SLIT3: variants seen among roughly 807,000 people sequenced by gnomAD.
The protein encoded by SLIT3 is slit homolog 3 protein.
A neutral mutation model predicts 184.0 loss-of-function variants in SLIT3; 68 were observed. The observed-to-expected ratio is 0.37, with a 90% confidence interval of 0.30 to 0.45. The LOEUF is 0.45. SLIT3 is among the 20% of genes least tolerant of loss of function. The probability of loss-of-function intolerance (pLI) is 1.00; values close to 1 mark genes in which losing one functional copy is unlikely to be tolerated. For synonymous variants in SLIT3, 831 were observed against 828.6 expected (o/e 1.00, Z -0.05); for missense variants, 1,707 against 2,026.0 (o/e 0.84, Z 3.02).
At chr5:169,151,227 G>C (rs1762108373) in intron 4 of SLIT3, among the ~76,000 whole-genome samples, 1 of 152,124 alleles carries the variant, frequency 6.6e-6, no homozygotes, top group Non-Finnish European at 1.5e-5. Flanking sequence ...TCTCAGCACA[G>C]CAGGTGGCCC....
At chr5:168,742,590 C>T (rs1045375203) in intron 20 of SLIT3, among the ~76,000 whole-genome samples, 1 of 120,778 alleles carries the variant, frequency 8.3e-6, no homozygotes, top group Non-Finnish European at 1.7e-5. Context: ...GCCCCAAAAT[C>T]CACTCAAAAA....
intron 4 of SLIT3, chr5:169,018,278 G>C (rs771906427): frequency 6.6e-6 from 1 of 152,226 alleles, no homozygotes; most frequent in Non-Finnish European, 1.5e-5. Context: ...TGCATTAGGG[G>C]AGTGAACCAA....
At position 168,969,451 on chromosome 5, in the gene SLIT3, G is replaced by A. The variant is rs561265860; in HGVS notation, c.414-86115C>T. Among the ~76,000 whole-genome samples, 8 of 152,262 alleles carry A rather than the reference G, an allele frequency of 5.3e-5. No individual in the cohort carries two copies. In the East Asian group the frequency reaches 5.8e-4, roughly 11 times the overall value. ...ACCTGTGCAATCCTTGGCCACAGGC[G>A]GTTCTGTTGTTGACATCTACATTAC... On this transcript the variant is annotated intron_variant, in intron 4 of 35. Coordinates refer to ENST00000519560, the MANE Select transcript of SLIT3 (RefSeq NM_003062.4).
At chr5:169,059,245 C>T (rs1430614922) in intron 4 of SLIT3, among the ~76,000 whole-genome samples, 1 of 152,090 alleles carries the variant, frequency 6.6e-6, no homozygotes, top group East Asian at 1.9e-4. Flanking sequence ...ATGGAAGACA[C>T]CAAGTGAAAA....
chr5:168,849,635 G>A (rs2938762), intron 5 of SLIT3, among the ~76,000 whole-genome samples: 1 of 151,966 alleles, frequency 6.6e-6, no homozygotes, highest in Non-Finnish European at 1.5e-5. Flanking sequence ...TATAAGACAC[G>A]CTTTGAAAAT....
At chr5:168,997,188 G>C (rs1755542240) in intron 4 of SLIT3, among the ~76,000 whole-genome samples, 1 of 152,126 alleles carries the variant, frequency 6.6e-6, no homozygotes, top group Non-Finnish European at 1.5e-5. Context: ...ACAGGGTCTG[G>C]AAGCTGGTCT....
intron 10 of SLIT3, among the ~76,000 whole-genome samples, chr5:168,794,197 A>G (rs551027152): frequency 1.1e-4 from 16 of 152,332 alleles, no homozygotes; most frequent in Admixed American, 7.2e-4. Flanking sequence ...AGCAGGACCG[A>G]GTCCATGCAT....
intron 4 of SLIT3, among the ~76,000 whole-genome samples, chr5:169,046,210 G>C (rs966219090): frequency 6.6e-6 from 1 of 152,140 alleles, no homozygotes; most frequent in African/African-American, 2.4e-5. Context: ...AACTAGCCAG[G>C]AATCACAAAG....
chr5:168,848,907 G>A (rs1455217201), intron 5 of SLIT3, among the ~76,000 whole-genome samples: 1 of 152,068 alleles, frequency 6.6e-6, no homozygotes, highest in Non-Finnish European at 1.5e-5. Flanking sequence ...AATTGAAGCA[G>A]GATTAGAAAT....
At chr5:168,845,074 T>C (rs1758409556) in intron 5 of SLIT3, among the ~76,000 whole-genome samples, 1 of 151,946 alleles carries the variant, frequency 6.6e-6, no homozygotes, top group Non-Finnish European at 1.5e-5. Flanking sequence ...TTTTTTCCTC[T>C]CTCCCGTTCC....
At chr5:169,230,818 T>A (rs1217565740) in intron 3 of SLIT3, among the ~76,000 whole-genome samples, 2 of 150,886 alleles carry the variant, frequency 1.3e-5, no homozygotes, top group Admixed American at 6.6e-5. Context: ...ACTTTCAGAT[T>A]TTTTCCTCTG....
intron 4 of SLIT3, among the ~76,000 whole-genome samples, chr5:169,163,680 T>C (rs962552656): frequency 6.6e-6 from 1 of 152,198 alleles, no homozygotes; most frequent in African/African-American, 2.4e-5. Context: ...ATTAGACAGA[T>C]AGCATGAGCT....
intron 32 of SLIT3, among the ~76,000 whole-genome samples, chr5:168,675,104 G>C (rs1032169914): frequency 6.6e-6 from 1 of 152,146 alleles, no homozygotes. Flanking sequence ...GGCTGGGAGG[G>C]AACAGTGGTG....
intron 3 of SLIT3, among the ~76,000 whole-genome samples, chr5:169,244,404 C>T (rs1765510122): frequency 6.6e-6 from 1 of 152,168 alleles, no homozygotes; most frequent in Non-Finnish European, 1.5e-5. Context: ...GGAAGGTTTA[C>T]ACTTGGGTAA....
chr5:168,781,982 G>A (rs1174829250), intron 12 of SLIT3, among the ~76,000 whole-genome samples: 2 of 152,156 alleles, frequency 1.3e-5, no homozygotes, highest in African/African-American at 4.8e-5. Context: ...ACATGAAATT[G>A]CTTAGCAGTT....
intron 4 of SLIT3, among the ~76,000 whole-genome samples, chr5:169,103,633 A>G (rs1231269637): frequency 2.6e-5 from 4 of 152,186 alleles, no homozygotes; most frequent in Non-Finnish European, 5.9e-5. Context: ...GCATGCTGTT[A>G]CCGGGAGGTG....
chr5:169,017,188 C>T (rs1353240052), intron 4 of SLIT3, among the ~76,000 whole-genome samples: 7 of 152,180 alleles, frequency 4.6e-5, no homozygotes, highest in African/African-American at 1.4e-4. Context: ...CAGGCAAATT[C>T]GTGGCATAGA....
Position 168,749,343 on chromosome 5 carries a change from C to G in SLIT3, c.2137+129G>C, listed in dbSNP as rs1454635988. ...GCTAGTAGCAGATCTGCAGAGCTCT[C>G]CAGAGCTCCAGCTGCATGCCCAAAG... On this transcript the variant is annotated intron_variant, in intron 19 of 35. Coordinates refer to ENST00000519560, the MANE Select transcript of SLIT3 (RefSeq NM_003062.4). 5 of 1,062,068 alleles carry G rather than the reference C, an allele frequency of 4.7e-6. No homozygotes were observed. In the Admixed American group the frequency reaches 8.0e-5, roughly 17 times the overall value. The allele number at this position is 1,062,068 out of a possible 1,614,324, so 65.8% of individuals were successfully genotyped here.
At chr5:168,971,582 C>T (rs1754577541) in intron 4 of SLIT3, among the ~76,000 whole-genome samples, 1 of 152,234 alleles carries the variant, frequency 6.6e-6, no homozygotes, top group South Asian at 2.1e-4. Flanking sequence ...CTTTAGCATA[C>T]ATATTTCCTG....
Sources: gnomAD v4.1 joint callset for allele counts (sites outside exome capture counted in the v4.1 genomes callset) on GRCh38, gnomAD v4.1.1 for gene constraint, MANE v1.5 for transcripts, NCBI Gene and HGNC (gene_info 2026-07-23, HGNC 2026-07-21) for gene names.